The following UBXN2B variants were observed in gnomAD, a reference collection of about 807,000 sequenced individuals.
UBXN2B encodes UBX domain-containing protein 2B.
UBXN2B carries 19 observed loss-of-function variants against 37.5 expected under a neutral mutation model. The ratio of observed to expected loss-of-function variants is 0.51; its 90% confidence interval spans 0.35 to 0.74. The LOEUF (loss-of-function observed/expected upper bound fraction) is 0.74, where lower values mean the gene tolerates loss of function less well. UBXN2B is among the 30% of genes least tolerant of loss of function. UBXN2B has a pLI of 0.01. For missense variants in UBXN2B, 370 were observed against 393.2 expected, an observed-to-expected ratio of 0.94 and a Z score of 0.50; for synonymous variants, 145 against 143.8, an observed-to-expected ratio of 1.01 and a Z score of -0.06.
intron 1 of UBXN2B, among the ~76,000 whole-genome samples, chr8:58,411,674 G>A (rs554474768): frequency 6.6e-6 from 1 of 152,362 alleles, no homozygotes; most frequent in East Asian, 1.9e-4. Flanking sequence ...TCCAGCGCTG[G>A]TGCTTTGTCT....
intron 1 of UBXN2B, among the ~76,000 whole-genome samples, chr8:58,411,882 T>G (rs1807648696): frequency 6.6e-6 from 1 of 152,196 alleles, no homozygotes; most frequent in Non-Finnish European, 1.5e-5. Flanking sequence ...TGGATGCTAT[T>G]TCTGACTTGC....
intron 2 of UBXN2B, chr8:58,425,906 C>A: frequency 8.3e-7 from 1 of 1,211,202 alleles, no homozygotes; most frequent in Non-Finnish European, 1.2e-6. Context: ...TTTGTCATCA[C>A]TGGTGCGCAC....
chr8:58,430,797 A>T, intron 3 of UBXN2B, 128 bp downstream of exon 3: 1 of 776,434 alleles, frequency 1.3e-6, no homozygotes, highest in Non-Finnish European at 1.8e-6. Context: ...TCATTTTTAT[A>T]AAATTATAAT....
At chr8:58,427,914 A>G (rs780039373) in intron 2 of UBXN2B, among the ~76,000 whole-genome samples, 2 of 152,248 alleles carry the variant, frequency 1.3e-5, no homozygotes, top group African/African-American at 2.4e-5. Context: ...AAGAAAACTC[A>G]GTAAAATAGA....
rs1160535343 is a variant in UBXN2B at position 58,433,207 on chromosome 8, G to A, written c.387G>A (p.Arg129=). ...GATTGGGTAGTTCTTTTTGTAAGCG[G>A]TCTGAATATATCTATGGAGAAAATC... ...GYRLGSSFCK[R]SEYIYGENQL... The change falls in exon 4 of 8, where the codon CGG becomes CGA. Residue 129 remains arginine (R), a synonymous_variant. Coordinates refer to ENST00000399598, the MANE Select transcript of UBXN2B (RefSeq NM_001077619.2). 18 of 1,612,768 alleles carry A rather than the reference G, an allele frequency of 1.1e-5. No homozygotes were observed. The highest frequency in any genetic ancestry group is 1.5e-5 in the Non-Finnish European group (18 of 1,179,384).
chr8:58,434,861 G>A (rs1421004490), intron 5 of UBXN2B: 1 of 1,535,578 alleles, frequency 6.5e-7, no homozygotes. Context: ...TTGACAGGGT[G>A]ACTCTCATTG....
At chr8:58,432,509 AG>A (rs1808310597) in intron 3 of UBXN2B, among the ~76,000 whole-genome samples, 1 of 150,058 alleles carries the variant, frequency 6.7e-6, no homozygotes, top group South Asian at 2.1e-4. Flanking sequence ...CAGCCTCCAG[AG>A]TAGCTGGGAC....
intron 5 of UBXN2B, among the ~76,000 whole-genome samples, chr8:58,435,300 C>T (rs1808383570): frequency 6.6e-6 from 1 of 152,060 alleles, no homozygotes; most frequent in African/African-American, 2.4e-5. Context: ...GGATGAGTGG[C>T]TGACATGGAG....
In UBXN2B at chr8:58,439,572, C is replaced by G. The variant is rs1396236744; in HGVS notation, c.534-61C>G. 5.2e-6 allele frequency: 8 copies of G among 1,550,228 alleles called. No individual in the cohort carries two copies. The East Asian group carries it at 1.8e-4, about 35-fold the overall frequency. On this transcript the variant is annotated intron_variant, in intron 5 of 7. Transcript: ENST00000399598. ...GCTCATGAAATAATTACAGTAATCT[C>G]AACAGTGTAGTTTAATTCTTGGAAA... is the stretch of plus-strand genomic sequence containing the variant.
chr8:58,439,920 AT>A, intron 6 of UBXN2B, 150 bp downstream of exon 6: 1 of 608,460 alleles, frequency 1.6e-6, no homozygotes, highest in Non-Finnish European at 2.6e-6. Context: ...TCATAATATT[AT>A]ATCATGTGAT....
At chr8:58,414,404 T>C (rs59152897) in intron 1 of UBXN2B, among the ~76,000 whole-genome samples, 4,143 of 152,312 alleles carry the variant, frequency 0.027, 209 homozygotes, top group East Asian at 0.23. Flanking sequence ...TTTAATATTT[T>C]GCTATATACT....
chr8:58,448,291 A>C lies in UBXN2B; in HGVS notation c.*740A>C, dbSNP rs1447041320. Reference sequence around the variant, plus strand: ...CAGGTTCAAAAGATTCTCCTGCCTTAGCCTCCCAAGTAGCTGGGATTACAG... The same window carrying C: ...CAGGTTCAAAAGATTCTCCTGCCTTCGCCTCCCAAGTAGCTGGGATTACAG... On this transcript the variant is annotated 3_prime_UTR_variant, in exon 8 of 8. Coordinates refer to ENST00000399598, the MANE Select transcript of UBXN2B (RefSeq NM_001077619.2). The C allele has an allele frequency of 1.3e-5, 2 of 150,924 alleles. No homozygotes were observed. The highest frequency in any genetic ancestry group is 2.9e-5 in the Non-Finnish European group (2 of 67,952). 9.3% of individuals were successfully genotyped at this position (150,924 alleles called of 1,614,324 possible). A position where few individuals can be genotyped will look rare whatever the true frequency, so the allele number is the denominator to read the frequency against.
intron 5 of UBXN2B, among the ~76,000 whole-genome samples, chr8:58,437,201 A>C (rs12547722): frequency 0.28 from 42,638 of 151,990 alleles, 6,558 homozygotes; most frequent in Admixed American, 0.45. Flanking sequence ...AACTGGAGTA[A>C]AGGTCAGCCT....
chr8:58,419,859 T>C (rs1807882604), intron 2 of UBXN2B, among the ~76,000 whole-genome samples: 1 of 152,252 alleles, frequency 6.6e-6, no homozygotes, highest in African/African-American at 2.4e-5. Context: ...GCATGTGACC[T>C]GTGCTATTGC....
intron 2 of UBXN2B, 51 bp downstream of exon 2, chr8:58,417,004 A>C: frequency 7.0e-7 from 1 of 1,430,772 alleles, no homozygotes; most frequent in Non-Finnish European, 9.4e-7. Context: ...CCTTTCTAAA[A>C]ATTTACTAAC....
chr8:58,440,756 TC>T (rs1808518655), intron 6 of UBXN2B, among the ~76,000 whole-genome samples: 1 of 152,128 alleles, frequency 6.6e-6, no homozygotes. Context: ...TTGTCTATTC[TC>T]CCCTTATTTT....
At chr8:58,428,457 C>A (rs879737252) in intron 2 of UBXN2B, among the ~76,000 whole-genome samples, 58 of 152,246 alleles carry the variant, frequency 3.8e-4, no homozygotes, top group Middle Eastern at 3.4e-3. Context: ...AAGACTGATT[C>A]TTTTTCTGAT....
intron 6 of UBXN2B, among the ~76,000 whole-genome samples, chr8:58,444,584 G>A (rs1808626429): frequency 6.6e-6 from 1 of 152,154 alleles, no homozygotes; most frequent in Non-Finnish European, 1.5e-5. Context: ...GAGGTAAAGA[G>A]GACCTTTGCA....
chr8:58,434,715 G>C, intron 5 of UBXN2B: 1 of 1,328,346 alleles, frequency 7.5e-7, no homozygotes, highest in Middle Eastern at 1.9e-4. Context: ...TGTGGGCCAG[G>C]GGCATTGGAC....
Sources: gnomAD v4.1 joint callset for allele counts (sites outside exome capture counted in the v4.1 genomes callset) on GRCh38, gnomAD v4.1.1 for gene constraint, MANE v1.5 for transcripts, NCBI Gene and HGNC (gene_info 2026-07-23, HGNC 2026-07-21) for gene names.